SPIRE1: variants seen among roughly 807,000 people sequenced by gnomAD.
SPIRE1 encodes the protein spire type actin nucleation factor 1, also known as protein spire homolog 1.
A neutral mutation model predicts 94.1 loss-of-function variants in SPIRE1; 40 were observed. The observed-to-expected ratio is 0.43, with a 90% CI of 0.33 to 0.55. The LOEUF (loss-of-function observed/expected upper bound fraction) is 0.55, where lower values mean the gene tolerates loss of function less well. Among genes scored for constraint, SPIRE1 ranks in the 20% least tolerant of loss-of-function variants. SPIRE1 has a pLI of 0.06. For synonymous variants in SPIRE1, 376 were observed against 371.7 expected, an observed-to-expected ratio of 1.01 and a Z score of -0.13; for missense variants, 838 against 975.2, an observed-to-expected ratio of 0.86 and a Z score of 1.87.
intron 5 of SPIRE1, among the ~76,000 whole-genome samples, chr18:12,510,312 T>C (rs1598424718): frequency 1.3e-5 from 2 of 152,114 alleles, no homozygotes; most frequent in South Asian, 2.1e-4. Context: ...GCTGAATATA[T>C]ATATGTACAA....
At chr18:12,485,334 T>G (rs1451099962) in intron 9 of SPIRE1, among the ~76,000 whole-genome samples, 2 of 152,136 alleles carry the variant, frequency 1.3e-5, no homozygotes, top group Non-Finnish European at 2.9e-5. Flanking sequence ...CTCCATCTCC[T>G]GACCTTAAGA....
intron 2 of SPIRE1, chr18:12,588,426 A>C (rs1340310476): frequency 6.6e-6 from 1 of 152,106 alleles, no homozygotes; most frequent in Non-Finnish European, 1.5e-5. Context: ...TAGGCTGTCA[A>C]AATATAAATG....
Position 12,561,861 on chromosome 18 carries a change from G to C in SPIRE1, c.373-14957C>G, listed in dbSNP as rs960826712. ...TATTTATATACATAGTCTCATATCA[G>C]TTCGGTTAAATTTTGCCACCAAATG... On this transcript the variant is annotated intron_variant, in intron 2 of 16. Transcript: ENST00000409402. 3.0e-4 allele frequency among the ~76,000 whole-genome samples: 4 copies of C among 13,262 alleles called. No homozygotes were observed. In the African/African-American group the frequency reaches 4.3e-3, roughly 14 times the overall value. 8.7% of individuals were successfully genotyped at this position (13,262 alleles called of 152,430 possible). A position where few individuals can be genotyped will look rare whatever the true frequency, so the allele number is the denominator to read the frequency against.
rs148566729 is a variant in SPIRE1, at chr18:12,547,677, C to A, written c.373-773G>T. On this transcript the variant is annotated intron_variant, in intron 2 of 16. Coordinates refer to ENST00000409402, the MANE Select transcript of SPIRE1 (RefSeq NM_001128626.2). Reference sequence around the variant, plus strand: ...AACACTGGCAGCCAGCGTGGTGGCTCATGCCTGTAATCCCAGCACTTTGGG... The same window carrying A: ...AACACTGGCAGCCAGCGTGGTGGCTAATGCCTGTAATCCCAGCACTTTGGG... 9.8e-3 allele frequency among the ~76,000 whole-genome samples: 1,499 copies of A among 152,308 alleles called. 36 individuals are homozygous for A. The highest frequency in any genetic ancestry group is 0.033 in the African/African-American group (1,387 of 41,556).
intron 2 of SPIRE1, among the ~76,000 whole-genome samples, chr18:12,587,837 T>C (rs2036429710): frequency 6.6e-6 from 1 of 152,236 alleles, no homozygotes; most frequent in Non-Finnish European, 1.5e-5. Context: ...TTTCTTAAGA[T>C]ACAATCACCA....
chr18:12,578,451 C>T (rs947536051), intron 2 of SPIRE1, among the ~76,000 whole-genome samples: 4 of 152,202 alleles, frequency 2.6e-5, no homozygotes, highest in African/African-American at 9.6e-5. Flanking sequence ...GCACAAAAAA[C>T]ACATTCTGTA....
intron 2 of SPIRE1, among the ~76,000 whole-genome samples, chr18:12,593,504 C>G (rs564102881): frequency 2.1e-4 from 32 of 152,138 alleles, no homozygotes; most frequent in Admixed American, 7.9e-4. Flanking sequence ...CGCTGAAGAC[C>G]AGGAAATGTT....
At chr18:12,515,982 G>A (rs1391266785) in intron 4 of SPIRE1, 2 of 151,926 alleles carry the variant, frequency 1.3e-5, no homozygotes, top group Non-Finnish European at 2.9e-5. Flanking sequence ...TTTACCCCTA[G>A]GAGTCTCCCA....
intron 4 of SPIRE1, among the ~76,000 whole-genome samples, chr18:12,519,864 G>C (rs1228478812): frequency 6.6e-6 from 1 of 152,168 alleles, no homozygotes; most frequent in Non-Finnish European, 1.5e-5. Context: ...CCTCTAGGAA[G>C]GACAATAGTG....
intron 1 of SPIRE1, among the ~76,000 whole-genome samples, chr18:12,654,726 G>A (rs1295504869): frequency 2.0e-5 from 3 of 149,730 alleles, no homozygotes; most frequent in East Asian, 2.0e-4. Context: ...GAATACAAAC[G>A]TTCCTTAAAA....
At chr18:12,570,835 AC>A (rs1209950304) in intron 2 of SPIRE1, among the ~76,000 whole-genome samples, 1 of 152,152 alleles carries the variant, frequency 6.6e-6, no homozygotes, top group Non-Finnish European at 1.5e-5. Context: ...CCAAATGAGG[AC>A]TTCCCTTGTT....
rs542935557 is a variant in SPIRE1 at position 12,591,677 on chromosome 18, T to C, written c.372+43385A>G. Among the ~76,000 whole-genome samples, 5 of 152,216 alleles carry C rather than the reference T, an allele frequency of 3.3e-5. No homozygotes were observed. The South Asian group carries it at 1.0e-3, about 32-fold the overall frequency. ...CTTCAAGGTTTCTGTCTTGGTCAGATATAGAAAACATTAAGAATAGGCTAG... is the reference window on the plus strand; with the variant it reads ...CTTCAAGGTTTCTGTCTTGGTCAGACATAGAAAACATTAAGAATAGGCTAG... On this transcript the variant is annotated intron_variant, in intron 2 of 16. Transcript: ENST00000409402.
chr18:12,609,871 G>C (rs941554597), intron 2 of SPIRE1, among the ~76,000 whole-genome samples: 1 of 151,552 alleles, frequency 6.6e-6, no homozygotes, highest in Admixed American at 6.6e-5. Context: ...GTAACCTCCA[G>C]AAGTAACGGT....
intron 2 of SPIRE1, among the ~76,000 whole-genome samples, chr18:12,556,497 G>A (rs1485124047): frequency 6.6e-6 from 1 of 152,224 alleles, no homozygotes; most frequent in African/African-American, 2.4e-5. Flanking sequence ...CTCACGGTGA[G>A]TGTTATAGTT....
At chr18:12,501,072 C>CAAAAAAAA (rs67894900) in intron 6 of SPIRE1, among the ~76,000 whole-genome samples, 11 of 80,210 alleles carry the variant, frequency 1.4e-4, no homozygotes, top group Non-Finnish European at 2.0e-4. Context: ...AACTCTGTCT[C>CAAAAAAAA]AAAAAAAAAA....
chr18:12,633,773 G>C (rs374130746), intron 2 of SPIRE1, among the ~76,000 whole-genome samples: 2 of 152,018 alleles, frequency 1.3e-5, no homozygotes. Context: ...TCCTTTATTT[G>C]GGCATTGCCA....
intron 6 of SPIRE1, among the ~76,000 whole-genome samples, chr18:12,499,286 G>C (rs912440777): frequency 1.3e-5 from 2 of 151,970 alleles, no homozygotes; most frequent in Non-Finnish European, 2.9e-5. Flanking sequence ...TAATGGTCTC[G>C]GCACCCTTGT....
chr18:12,650,811 C>CA (rs1209495494), intron 1 of SPIRE1, among the ~76,000 whole-genome samples: 1 of 136,378 alleles, frequency 7.3e-6, no homozygotes, highest in Non-Finnish European at 1.5e-5. Flanking sequence ...TCTGGGAGGT[C>CA]AAAGCTGCAG....
At chr18:12,651,010 C>T (rs1043970649) in intron 1 of SPIRE1, among the ~76,000 whole-genome samples, 1 of 152,096 alleles carries the variant, frequency 6.6e-6, no homozygotes, top group African/African-American at 2.4e-5. Context: ...AATGAAGGGA[C>T]TTGAAGTTTA....
Sources: gnomAD v4.1 joint callset for allele counts (sites outside exome capture counted in the v4.1 genomes callset) on GRCh38, gnomAD v4.1.1 for gene constraint, MANE v1.5 for transcripts, NCBI Gene and HGNC (gene_info 2026-07-23, HGNC 2026-07-21) for gene names.